MYO16: variants seen among roughly 807,000 people sequenced by gnomAD.
MYO16 encodes myosin XVI.
In MYO16, 94 loss-of-function variants were observed where a neutral mutation model predicts 205.3. The observed-to-expected ratio is 0.46, with a 90% confidence interval of 0.39 to 0.54. MYO16 has a LOEUF of 0.54. Among genes scored for constraint, MYO16 ranks in the 20% least tolerant of loss-of-function variants. The pLI is 0.00. For synonymous variants in MYO16, 988 were observed against 954.0 expected (o/e 1.04, Z -0.66); for missense variants, 2,315 against 2,387.5 (o/e 0.97, Z 0.63).
intron 9 of MYO16, among the ~76,000 whole-genome samples, chr13:108,834,064 T>G (rs1876767907): frequency 6.6e-6 from 1 of 151,884 alleles, no homozygotes; most frequent in African/African-American, 2.4e-5. Context: ...ATGAAAAAAA[T>G]GACTCATTTG....
Position 108,866,247 on chromosome 13 carries a change from G to A in MYO16, c.1425+5G>A. ...CTTCCAATTTATTCTTCCATGGTGAGCACAAAATTTTAAATATCATTGAAT... is the reference window on the plus strand; with the variant it reads ...CTTCCAATTTATTCTTCCATGGTGAACACAAAATTTTAAATATCATTGAAT... On this transcript the variant is annotated splice_donor_5th_base_variant and intron_variant, in intron 12 of 34. Transcript: ENST00000457511. 2 of 1,563,072 alleles carry A rather than the reference G, an allele frequency of 1.3e-6. No individual in the cohort carries two copies. The highest frequency in any genetic ancestry group is 2.3e-5 in the East Asian group (1 of 44,076).
chr13:108,803,794 T>G (rs1182279317), intron 6 of MYO16, among the ~76,000 whole-genome samples: 2 of 152,148 alleles, frequency 1.3e-5, no homozygotes, highest in Non-Finnish European at 2.9e-5. Context: ...CAAGACTGCC[T>G]GCACTGATGG....
At chr13:109,037,819 A>G (rs1443661109) in intron 23 of MYO16, among the ~76,000 whole-genome samples, 1 of 152,078 alleles carries the variant, frequency 6.6e-6, no homozygotes, top group Non-Finnish European at 1.5e-5. Flanking sequence ...TTGAAGCTGG[A>G]CTCCAGAAGG....
upstream of MYO16, among the ~76,000 whole-genome samples, chr13:108,593,003 G>A (rs529954209): frequency 1.2e-4 from 18 of 152,122 alleles, no homozygotes; most frequent in African/African-American, 3.4e-4. Flanking sequence ...TTTGGTGAAC[G>A]CCTCCCTAGT....
intron 2 of MYO16, among the ~76,000 whole-genome samples, chr13:108,686,730 A>G (rs1215753199): frequency 1.3e-5 from 2 of 152,240 alleles, no homozygotes; most frequent in African/African-American, 4.8e-5. Context: ...ATGTTACAAA[A>G]TTGGTGCTGG....
chr13:108,533,770 T>C, the MYO16 span, among the ~76,000 whole-genome samples: 1 of 152,232 alleles, frequency 6.6e-6, no homozygotes, highest in Non-Finnish European at 1.5e-5. Context: ...CTATTTTCCA[T>C]ATAAATAAAC....
chr13:108,750,638 A>C (rs1225849369), intron 4 of MYO16, among the ~76,000 whole-genome samples: 1 of 151,578 alleles, frequency 6.6e-6, no homozygotes, highest in Non-Finnish European at 1.5e-5. Context: ...AAAAGAAAGA[A>C]AGAAAAGAAA....
Position 108,984,041 on chromosome 13 carries a change from C to T in MYO16, c.2370-8335C>T, listed in dbSNP as rs145626660. On this transcript the variant is annotated intron_variant, in intron 20 of 34. Transcript: ENST00000457511. ...AAAATATTCACAGAGCTCAATAAGC[C>T]ACCCTTAAGGCTCAGCCAGCAGCTG... Among the ~76,000 whole-genome samples, 688 of 152,230 alleles carry T rather than the reference C, an allele frequency of 4.5e-3. 6 individuals are homozygous for T. The Middle Eastern group carries it at 0.071, about 16-fold the overall frequency.
chr13:109,096,648 T>C (rs773664368), intron 27 of MYO16, among the ~76,000 whole-genome samples: 2 of 152,178 alleles, frequency 1.3e-5, no homozygotes, highest in Non-Finnish European at 2.9e-5. Context: ...CATCTCCTGC[T>C]CCACAGCCCC....
intron 1 of MYO16, among the ~76,000 whole-genome samples, chr13:108,647,390 T>G (rs1311763081): frequency 6.6e-6 from 1 of 152,172 alleles, no homozygotes; most frequent in Non-Finnish European, 1.5e-5. Flanking sequence ...TGTAATGCTG[T>G]TTGCAAATCT....
intron 11 of MYO16, among the ~76,000 whole-genome samples, chr13:108,858,637 C>T (rs954586031): frequency 1.3e-4 from 20 of 152,180 alleles, no homozygotes; most frequent in African/African-American, 4.8e-4. Context: ...TTGCATTTTG[C>T]ACTTGCATTT....
chr13:108,880,083 G>A (rs969498339), intron 12 of MYO16, among the ~76,000 whole-genome samples: 15 of 152,154 alleles, frequency 9.9e-5, no homozygotes, highest in Admixed American at 5.2e-4. Flanking sequence ...ATCTCATTGC[G>A]GTTTTGATTT....
At position 108,652,053 on chromosome 13, in the gene MYO16, TA is replaced by T. The variant is rs5806747; in HGVS notation, c.29-13824del. Among the ~76,000 whole-genome samples, 477 of 151,276 alleles carry T rather than the reference TA, an allele frequency of 3.2e-3. 3 individuals are homozygous for T. Among genetic ancestry groups the T allele is most frequent in the African/African-American group, 0.01 (432 of 41,178 alleles). On this transcript the variant is annotated intron_variant, in intron 1 of 34. Transcript: ENST00000457511. ...TGTTTCATCGTCATTGTATATGCAG[TA>T]AAAAAAAAGTCTTTGGAAGAGTGTT...
intron 7 of MYO16, among the ~76,000 whole-genome samples, chr13:108,813,887 G>A (rs1275609951): frequency 6.6e-6 from 1 of 152,130 alleles, no homozygotes; most frequent in African/African-American, 2.4e-5. Flanking sequence ...AGAGTAATTG[G>A]AATTAGCCCT....
At chr13:108,614,605 G>A (rs974098913) in intron 1 of MYO16, among the ~76,000 whole-genome samples, 1 of 152,002 alleles carries the variant, frequency 6.6e-6, no homozygotes, top group African/African-American at 2.4e-5. Flanking sequence ...AAAACAATGT[G>A]ATACTGGCAT....
rs757863334 is a variant in MYO16, at chr13:108,844,442, G to A, written c.1197G>A (p.Gln399=). The change falls in exon 10 of 35, where the codon CAG becomes CAA. Residue 399 remains glutamine (Q), a synonymous_variant. Coordinates refer to ENST00000457511, the MANE Select transcript of MYO16 (RefSeq NM_001198950.3). ...AAGGTCTGTGTAAGCAGCAGTCTCA[G>A]GACAGCATCCCTGAAAACCCCATGA... ...ATKGLCKQQS[Q]DSIPENPMMS... 3 of 1,612,654 alleles carry A rather than the reference G, an allele frequency of 1.9e-6. No homozygotes were observed. Among genetic ancestry groups the A allele is most frequent in the Middle Eastern group, 1.7e-4 (1 of 6,048 alleles).
At chr13:108,903,459 G>A (rs1880809775) in intron 15 of MYO16, among the ~76,000 whole-genome samples, 1 of 152,084 alleles carries the variant, frequency 6.6e-6, no homozygotes, top group South Asian at 2.1e-4. Context: ...TCTCTGTATT[G>A]ATGCTATTCC....
intron 12 of MYO16, among the ~76,000 whole-genome samples, chr13:108,871,322 T>TTG (rs58117690): frequency 0.018 from 2,414 of 131,516 alleles, 23 homozygotes; most frequent in Admixed American, 0.022. Context: ...CTATGTGACT[T>TTG]TGTGTGTGTG....
intron 32 of MYO16, among the ~76,000 whole-genome samples, chr13:109,152,916 G>A (rs1338289803): frequency 6.6e-6 from 1 of 152,078 alleles, no homozygotes; most frequent in Non-Finnish European, 1.5e-5. Context: ...TTATTCCAAG[G>A]AATCTATTTG....
Sources: gnomAD v4.1 joint callset for allele counts (sites outside exome capture counted in the v4.1 genomes callset) on GRCh38, gnomAD v4.1.1 for gene constraint, MANE v1.5 for transcripts, NCBI Gene and HGNC (gene_info 2026-07-23, HGNC 2026-07-21) for gene names.